DPP6: variants seen among roughly 807,000 people sequenced by gnomAD.
DPP6 encodes dipeptidyl peptidase like 6, also known as A-type potassium channel modulatory protein DPP6.
In DPP6, 69 loss-of-function variants were observed where a neutral mutation model predicts 122.6. That is an observed-to-expected ratio of 0.56 (90% CI 0.46 to 0.69). DPP6 has a LOEUF of 0.69. Ranked by LOEUF, DPP6 falls within the 30% of genes least tolerant of loss-of-function variation. The probability of loss-of-function intolerance (pLI) is 0.00; values close to 1 mark genes in which losing one functional copy is unlikely to be tolerated. For missense variants in DPP6, 928 were observed against 1,116.9 expected, an observed-to-expected ratio of 0.83 and a Z score of 2.41; for synonymous variants, 418 against 433.1, an observed-to-expected ratio of 0.97 and a Z score of 0.43.
At chr7:154,479,002 C>G (rs1023178615) in intron 3 of DPP6, among the ~76,000 whole-genome samples, 1 of 152,150 alleles carries the variant, frequency 6.6e-6, no homozygotes, top group African/African-American at 2.4e-5. Context: ...CTGAAGTTAA[C>G]AAGTGTACCT....
chr7:154,448,869 CAA>C (rs1440825444), intron 2 of DPP6, among the ~76,000 whole-genome samples: 1 of 152,110 alleles, frequency 6.6e-6, no homozygotes, highest in Non-Finnish European at 1.5e-5. Flanking sequence ...TATTCACCTG[CAA>C]AAGAGTGCAG....
At chr7:154,318,099 T>C (rs974024437) in intron 1 of DPP6, among the ~76,000 whole-genome samples, 1 of 152,256 alleles carries the variant, frequency 6.6e-6, no homozygotes, top group Non-Finnish European at 1.5e-5. Flanking sequence ...AGAGAATTCC[T>C]AATTACACTG....
At chr7:154,358,866 C>T (rs981066714) in intron 1 of DPP6, among the ~76,000 whole-genome samples, 16 of 152,044 alleles carry the variant, frequency 1.1e-4, no homozygotes, top group African/African-American at 3.1e-4. Flanking sequence ...CCACCATGCC[C>T]GGCTAATTTT....
At chr7:154,658,011 T>G (rs367652492) in intron 6 of DPP6, among the ~76,000 whole-genome samples, 1 of 152,262 alleles carries the variant, frequency 6.6e-6, no homozygotes, top group Non-Finnish European at 1.5e-5. Flanking sequence ...AGCAGATCTG[T>G]GCTTGCCAGG....
chr7:154,177,454 T>G (rs573587359), intron 1 of DPP6, among the ~76,000 whole-genome samples: 3 of 152,204 alleles, frequency 2.0e-5, no homozygotes, highest in South Asian at 2.1e-4. Context: ...TCATAATAAA[T>G]CAACAGAAAG....
chr7:154,564,438 C>A (rs1456335312), intron 4 of DPP6, among the ~76,000 whole-genome samples: 1 of 152,168 alleles, frequency 6.6e-6, no homozygotes, highest in Non-Finnish European at 1.5e-5. Flanking sequence ...GGAGAAAAAA[C>A]ACCTTATGCT....
At chr7:154,794,000 G>A (rs1797850090) in intron 10 of DPP6, 79 bp from the exon 11 acceptor site, 2 of 1,550,798 alleles carry the variant, frequency 1.3e-6, no homozygotes, top group African/African-American at 2.7e-5. Context: ...GTCGTGTCCA[G>A]GGCTGGGGTC....
In DPP6 at chr7:154,772,960, A is replaced by C; in HGVS notation, c.1136+18A>C. On this transcript the variant is annotated intron_variant, in intron 10 of 25. Coordinates refer to ENST00000377770, the MANE Select transcript of DPP6 (RefSeq NM_130797.4). ...CGGATGAGGTTTGCTTCCTTCTATT[A>C]TGTTACCAAAAAAAAAAAAAAACTA... 1 of 1,438,818 alleles carries C rather than the reference A, an allele frequency of 7.0e-7. No homozygotes were observed. 89.1% of individuals were successfully genotyped at this position (1,438,818 alleles called of 1,614,324 possible). A position where few individuals can be genotyped will look rare whatever the true frequency, so the allele number is the denominator to read the frequency against.
chr7:153,905,363 A>G (rs1799805498), intron 1 of DPP6, among the ~76,000 whole-genome samples: 1 of 152,022 alleles, frequency 6.6e-6, no homozygotes. Context: ...AGTGGGGAGA[A>G]ATGTTTGCTT....
intron 1 of DPP6, among the ~76,000 whole-genome samples, chr7:154,056,508 G>A (rs969823053): frequency 4.0e-4 from 61 of 152,156 alleles, no homozygotes; most frequent in African/African-American, 1.4e-3. Context: ...GGGCTTTGGA[G>A]GCCTTCTGTA....
chr7:154,153,047 C>G (rs1221526300), intron 1 of DPP6, among the ~76,000 whole-genome samples: 3 of 152,202 alleles, frequency 2.0e-5, no homozygotes, highest in African/African-American at 7.2e-5. Context: ...ATGTGATGGC[C>G]GCAATTGCAG....
intron 1 of DPP6, among the ~76,000 whole-genome samples, chr7:154,062,726 A>G (rs1211535788): frequency 2.1e-5 from 1 of 47,080 alleles, no homozygotes; most frequent in African/African-American, 1.5e-4. Context: ...CCCCCATCGT[A>G]GGGGGGGGGA....
the DPP6 span, among the ~76,000 whole-genome samples, chr7:153,861,321 C>A: frequency 6.6e-6 from 1 of 152,256 alleles, no homozygotes; most frequent in Admixed American, 6.5e-5. Flanking sequence ...AAAATGAAAA[C>A]TTTCTGCATA....
chr7:154,347,547 A>C (rs1262691460), intron 1 of DPP6, among the ~76,000 whole-genome samples: 1 of 152,256 alleles, frequency 6.6e-6, no homozygotes, highest in African/African-American at 2.4e-5. Flanking sequence ...TTAAAGGGAA[A>C]ACTAAATTTA....
intron 6 of DPP6, among the ~76,000 whole-genome samples, chr7:154,641,358 G>A (rs180828064): frequency 5.9e-5 from 9 of 152,142 alleles, no homozygotes; most frequent in East Asian, 1.9e-4. Flanking sequence ...ATATTTTAGC[G>A]GAACTAAAGC....
intron 1 of DPP6, among the ~76,000 whole-genome samples, chr7:154,160,274 T>C (rs1350389939): frequency 6.6e-6 from 1 of 152,100 alleles, no homozygotes; most frequent in Admixed American, 6.5e-5. Context: ...TCAAGCATCA[T>C]GTATAAATGG....
intron 3 of DPP6, among the ~76,000 whole-genome samples, chr7:154,497,467 G>A (rs573016279): frequency 6.6e-6 from 1 of 152,210 alleles, no homozygotes; most frequent in Non-Finnish European, 1.5e-5. Flanking sequence ...AAATTAGCAG[G>A]ATGTGGTGGC....
chr7:154,108,721 A>T (rs112594289), intron 1 of DPP6, among the ~76,000 whole-genome samples: 1 of 152,122 alleles, frequency 6.6e-6, no homozygotes, highest in Non-Finnish European at 1.5e-5. Flanking sequence ...GCAACAACTC[A>T]CCCATTCCTT....
chr7:154,572,993 TG>T (rs1831227261), intron 5 of DPP6, among the ~76,000 whole-genome samples: 1 of 152,136 alleles, frequency 6.6e-6, no homozygotes, highest in Non-Finnish European at 1.5e-5. Context: ...TCTGAGTATA[TG>T]AGTTTCTTTG....
Sources: gnomAD v4.1 joint callset for allele counts (sites outside exome capture counted in the v4.1 genomes callset) on GRCh38, gnomAD v4.1.1 for gene constraint, MANE v1.5 for transcripts, NCBI Gene and HGNC (gene_info 2026-07-23, HGNC 2026-07-21) for gene names.